CTNNA3: variants seen among roughly 807,000 people sequenced by gnomAD.
The protein encoded by CTNNA3 is catenin alpha 3.
Under a neutral mutation model 95.7 loss-of-function variants are expected in CTNNA3, and 76 were observed. The observed-to-expected ratio is 0.79, with a 90% CI of 0.66 to 0.96. CTNNA3 has a LOEUF of 0.96. Ranked by LOEUF, CTNNA3 falls within the 40% of genes least tolerant of loss-of-function variation. CTNNA3 has a pLI of 0.00. For missense variants in CTNNA3, 1,191 were observed against 1,089.8 expected, an observed-to-expected ratio of 1.09 and a Z score of -1.31; for synonymous variants, 431 against 374.4, an observed-to-expected ratio of 1.15 and a Z score of -1.74.
chr10:66,534,469 C>CATAT (rs58455418), intron 10 of CTNNA3, among the ~76,000 whole-genome samples: 1 of 146,932 alleles, frequency 6.8e-6, no homozygotes, highest in African/African-American at 2.5e-5. Flanking sequence ...TTATAAAAAT[C>CATAT]ATATATATAT....
chr10:66,607,472 C>CAAAAAAAAAAAAAAAAAA (rs574854850), intron 10 of CTNNA3, among the ~76,000 whole-genome samples: 4 of 45,274 alleles, frequency 8.8e-5, no homozygotes, highest in Non-Finnish European at 1.1e-4. Flanking sequence ...CAGAGACAAC[C>CAAAAAAAAAAAAAAAAAA]AAAAAAAAAA....
chr10:67,141,720 T>G (rs1001447960), intron 7 of CTNNA3, among the ~76,000 whole-genome samples: 1 of 152,228 alleles, frequency 6.6e-6, no homozygotes, highest in Non-Finnish European at 1.5e-5. Flanking sequence ...TAAATGCAGC[T>G]GCCTTAGTCT....
At chr10:65,975,197 T>C (rs1033903376) in intron 16 of CTNNA3, among the ~76,000 whole-genome samples, 7 of 152,118 alleles carry the variant, frequency 4.6e-5, no homozygotes, top group Non-Finnish European at 1.0e-4. Flanking sequence ...ATCTGCAAGA[T>C]AGGCATGGAC....
At chr10:67,007,871 A>G (rs764678604) in intron 7 of CTNNA3, among the ~76,000 whole-genome samples, 4 of 152,096 alleles carry the variant, frequency 2.6e-5, no homozygotes, top group Non-Finnish European at 5.9e-5. Context: ...TGATAAAAAT[A>G]TATACAAAGG....
intron 7 of CTNNA3, among the ~76,000 whole-genome samples, chr10:67,132,662 A>G (rs985881552): frequency 3.3e-5 from 5 of 152,074 alleles, no homozygotes; most frequent in African/African-American, 1.2e-4. Context: ...TAGGCAAGGA[A>G]CCAACCTAAG....
Position 65,916,537 on chromosome 10 carries a change from T to C in CTNNA3, c.*3793A>G, listed in dbSNP as rs1220716883. On this transcript the variant is annotated 3_prime_UTR_variant, in exon 18 of 18. Coordinates refer to ENST00000433211, the MANE Select transcript of CTNNA3 (RefSeq NM_013266.4). ...CTGTAGCCATGGGAACCACAATCTC[T>C]AGGACAGAAATGAACATTTGATACC... 6.6e-6 allele frequency: 1 copy of C among 152,170 alleles called. No individual in the cohort carries two copies. 9.4% of individuals were successfully genotyped at this position (152,170 alleles called of 1,614,324 possible).
chr10:66,574,030 T>A (rs1184262493), intron 10 of CTNNA3, among the ~76,000 whole-genome samples: 1 of 152,148 alleles, frequency 6.6e-6, no homozygotes, highest in Non-Finnish European at 1.5e-5. Flanking sequence ...TTATCTGTGA[T>A]CCTTTTCAAA....
At chr10:67,188,188 A>C (rs1361261988) in intron 6 of CTNNA3, among the ~76,000 whole-genome samples, 1 of 152,246 alleles carries the variant, frequency 6.6e-6, no homozygotes, top group African/African-American at 2.4e-5. Flanking sequence ...TTAAATGCAG[A>C]ATCAAAATGG....
chr10:67,513,352 T>C (rs1839701991), intron 5 of CTNNA3, among the ~76,000 whole-genome samples: 1 of 152,236 alleles, frequency 6.6e-6, no homozygotes, highest in Non-Finnish European at 1.5e-5. Context: ...TTGTGCTGCA[T>C]CCTCATTTCA....
intron 7 of CTNNA3, among the ~76,000 whole-genome samples, chr10:67,080,131 G>A (rs956867057): frequency 6.6e-6 from 1 of 152,094 alleles, no homozygotes; most frequent in South Asian, 2.1e-4. Context: ...AGCCCCAAGT[G>A]CTTGTATTTC....
chr10:66,140,026 G>T (rs2083535900), intron 13 of CTNNA3, among the ~76,000 whole-genome samples: 1 of 152,110 alleles, frequency 6.6e-6, no homozygotes, highest in Non-Finnish European at 1.5e-5. Flanking sequence ...CTCCATGTCT[G>T]GCATGTTGCA....
At chr10:66,436,313 C>CT (rs1014064398) in intron 11 of CTNNA3, among the ~76,000 whole-genome samples, 2 of 151,914 alleles carry the variant, frequency 1.3e-5, no homozygotes, top group African/African-American at 2.4e-5. Flanking sequence ...GAGTCTAAGT[C>CT]TTTTTTTAGG....
intron 10 of CTNNA3, among the ~76,000 whole-genome samples, chr10:66,609,941 C>T (rs1844268349): frequency 6.6e-6 from 1 of 152,114 alleles, no homozygotes; most frequent in Non-Finnish European, 1.5e-5. Context: ...GAGATCATGT[C>T]CTTTGCAGTA....
chr10:66,386,216 A>C (rs1564917859), intron 11 of CTNNA3, among the ~76,000 whole-genome samples: 1 of 152,126 alleles, frequency 6.6e-6, no homozygotes, highest in Non-Finnish European at 1.5e-5. Context: ...AGCCCAAAAT[A>C]TCCTTAAGCT....
intron 1 of CTNNA3, among the ~76,000 whole-genome samples, chr10:67,760,880 C>T (rs1402129488): frequency 6.6e-6 from 1 of 152,110 alleles, no homozygotes; most frequent in East Asian, 1.9e-4. Flanking sequence ...AAGCTCAGGG[C>T]TCCCACTGAT....
At chr10:67,566,762 G>A (rs1388840811) in intron 3 of CTNNA3, among the ~76,000 whole-genome samples, 3 of 152,006 alleles carry the variant, frequency 2.0e-5, no homozygotes, top group African/African-American at 7.2e-5. Context: ...CAAAGACTTG[G>A]AACCAACCCA....
intron 9 of CTNNA3, among the ~76,000 whole-genome samples, chr10:66,691,359 G>A (rs60469910): frequency 0.18 from 27,094 of 152,110 alleles, 3,057 homozygotes; most frequent in East Asian, 0.34. Context: ...ACTCATTGCT[G>A]GCACAGCAGA....
chr10:66,766,522 A>C, intron 8 of CTNNA3, 106 bp from the exon 9 acceptor site: 1 of 981,630 alleles, frequency 1.0e-6, no homozygotes. Flanking sequence ...TCATTTTTGC[A>C]CAATTCCTAA....
chr10:67,167,733 C>T (rs372599745), intron 7 of CTNNA3, among the ~76,000 whole-genome samples: 9 of 152,108 alleles, frequency 5.9e-5, no homozygotes, highest in East Asian at 3.9e-4. Flanking sequence ...ACTGGATAAC[C>T]CTAGGAATGA....
Sources: allele counts gnomAD v4.1 joint callset (sites outside exome capture counted in the v4.1 genomes callset), GRCh38; gene constraint gnomAD v4.1.1; transcripts MANE v1.5; gene names NCBI Gene and HGNC (gene_info 2026-07-23, HGNC 2026-07-21).